Variants in ESRRG observed in about 807,000 individuals in gnomAD.
The protein encoded by ESRRG is estrogen-related receptor gamma.
In ESRRG, 13 loss-of-function variants were observed where a neutral mutation model predicts 44.0. The ratio of observed to expected loss-of-function variants is 0.30; its 90% CI spans 0.19 to 0.47. The LOEUF is 0.47. Among genes scored for constraint, ESRRG ranks in the 20% least tolerant of loss-of-function variants. ESRRG has a pLI of 1.00. For synonymous variants in ESRRG, 215 were observed against 214.6 expected, an observed-to-expected ratio of 1.00 and a Z score of -0.02; for missense variants, 395 against 580.6, an observed-to-expected ratio of 0.68 and a Z score of 3.29.
At chr1:216,791,476 AT>A (rs953894967) in intron 2 of ESRRG, among the ~76,000 whole-genome samples, 5 of 152,012 alleles carry the variant, frequency 3.3e-5, no homozygotes, top group East Asian at 1.9e-4. Context: ...AGTCTCAGGT[AT>A]TTTTTTATAG....
intron 1 of ESRRG, among the ~76,000 whole-genome samples, chr1:217,099,474 A>G (rs1474929969): frequency 2.0e-5 from 3 of 152,324 alleles, no homozygotes; most frequent in Non-Finnish European, 2.9e-5. Flanking sequence ...CATGTGCTAG[A>G]TATTTCCAAC....
At chr1:216,558,642 A>T (rs2058073728) in intron 5 of ESRRG, among the ~76,000 whole-genome samples, 1 of 151,850 alleles carries the variant, frequency 6.6e-6, no homozygotes, top group Non-Finnish European at 1.5e-5. Flanking sequence ...AATAATTTGC[A>T]TGTATTTTTT....
At chr1:216,798,216 C>T (rs970889180) in intron 2 of ESRRG, among the ~76,000 whole-genome samples, 1 of 151,982 alleles carries the variant, frequency 6.6e-6, no homozygotes, top group Admixed American at 6.6e-5. Context: ...ATTGTATTAG[C>T]TTTAGAAACA....
chr1:216,962,360 C>A (rs1216921428), intron 1 of ESRRG, among the ~76,000 whole-genome samples: 1 of 152,146 alleles, frequency 6.6e-6, no homozygotes, highest in Admixed American at 6.5e-5. Context: ...TCTTCTCTGT[C>A]TTCATTCCAA....
At chr1:216,817,259 T>A (rs2095168032) in intron 2 of ESRRG, among the ~76,000 whole-genome samples, 1 of 152,184 alleles carries the variant, frequency 6.6e-6, no homozygotes, top group Non-Finnish European at 1.5e-5. Context: ...CTGAACTCAA[T>A]CTGTGGTCTT....
chr1:217,125,429 A>G (rs908323112), intron 1 of ESRRG, among the ~76,000 whole-genome samples: 4 of 152,228 alleles, frequency 2.6e-5, no homozygotes, highest in African/African-American at 9.6e-5. Context: ...TTGTTTCACA[A>G]ATGTATTTGT....
At chr1:216,658,854 A>AGAAGG (rs1173364473) in intron 2 of ESRRG, among the ~76,000 whole-genome samples, 3 of 10,172 alleles carry the variant, frequency 2.9e-4, no homozygotes, top group East Asian at 3.0e-3. Context: ...GTAAAAGAAG[A>AGAAGG]GAAGAGAAGA....
chr1:217,116,971 T>C (rs1216528336), intron 1 of ESRRG, among the ~76,000 whole-genome samples: 1 of 152,206 alleles, frequency 6.6e-6, no homozygotes, highest in Non-Finnish European at 1.5e-5. Flanking sequence ...ATCTGTAAAA[T>C]TGGGATGTAA....
chr1:216,551,505 A>C (rs775073293), intron 5 of ESRRG, among the ~76,000 whole-genome samples: 3 of 152,176 alleles, frequency 2.0e-5, no homozygotes, highest in Non-Finnish European at 2.9e-5. Context: ...ATTTAAATTA[A>C]ATAATAAATA....
chr1:217,074,289 T>A (rs946502447), intron 1 of ESRRG, among the ~76,000 whole-genome samples: 6 of 151,918 alleles, frequency 3.9e-5, no homozygotes, highest in Non-Finnish European at 7.4e-5. Context: ...CCTCAGATGA[T>A]CCACCCACTT....
chr1:216,570,667 A>T (rs1172198239), intron 3 of ESRRG, among the ~76,000 whole-genome samples: 1 of 152,170 alleles, frequency 6.6e-6, no homozygotes, highest in East Asian at 1.9e-4. Flanking sequence ...ATCCAATTCC[A>T]ACCCAATGAG....
intron 3 of ESRRG, among the ~76,000 whole-genome samples, chr1:216,607,670 G>A (rs2060111195): frequency 6.6e-6 from 1 of 152,026 alleles, no homozygotes; most frequent in Non-Finnish European, 1.5e-5. Context: ...TTTCTCAGTG[G>A]CTATTTTTTA....
At chr1:216,846,948 G>C (rs977845072) in intron 2 of ESRRG, among the ~76,000 whole-genome samples, 4 of 152,064 alleles carry the variant, frequency 2.6e-5, no homozygotes, top group Non-Finnish European at 4.4e-5. Flanking sequence ...TACTGCAACA[G>C]TGCAGTCACT....
intron 3 of ESRRG, among the ~76,000 whole-genome samples, chr1:216,617,912 C>T (rs2061637439): frequency 6.6e-6 from 1 of 152,108 alleles, no homozygotes; most frequent in South Asian, 2.1e-4. Context: ...GATTTAAGTT[C>T]AAATCAACAT....
At chr1:216,965,537 G>A (rs2150225162) in intron 1 of ESRRG, among the ~76,000 whole-genome samples, 1 of 152,264 alleles carries the variant, frequency 6.6e-6, no homozygotes, top group Non-Finnish European at 1.5e-5. Context: ...TGGCCGAGGG[G>A]ACATGCCCAT....
intron 1 of ESRRG, among the ~76,000 whole-genome samples, chr1:217,037,332 A>G (rs961306244): frequency 5.9e-5 from 9 of 152,338 alleles, no homozygotes; most frequent in African/African-American, 2.2e-4. Flanking sequence ...ATGGACTTAC[A>G]GTTCCACATG....
intron 2 of ESRRG, among the ~76,000 whole-genome samples, chr1:216,827,779 C>T (rs972123456): frequency 3.3e-5 from 5 of 151,980 alleles, no homozygotes; most frequent in African/African-American, 1.2e-4. Flanking sequence ...TCACGTAGGA[C>T]CTAATAGAAC....
chr1:216,674,866 G>A (rs1184057548), intron 2 of ESRRG, among the ~76,000 whole-genome samples: 1 of 151,948 alleles, frequency 6.6e-6, no homozygotes, highest in East Asian at 1.9e-4. Context: ...TCCAGCCTCA[G>A]CCTCCCAAAG....
chr1:216,883,874 T>C (rs1390088049), intron 2 of ESRRG, among the ~76,000 whole-genome samples: 1 of 152,176 alleles, frequency 6.6e-6, no homozygotes, highest in Non-Finnish European at 1.5e-5. Context: ...AGCAAGATAA[T>C]ATAACTTGAT....
Sources: gnomAD v4.1 joint callset for allele counts (sites outside exome capture counted in the v4.1 genomes callset) on GRCh38, gnomAD v4.1.1 for gene constraint, MANE v1.5 for transcripts, NCBI Gene and HGNC (gene_info 2026-07-23, HGNC 2026-07-21) for gene names.